The following DOCK4 variants were observed in gnomAD, a reference collection of about 807,000 sequenced individuals.
DOCK4 encodes the protein dedicator of cytokinesis 4.
A neutral mutation model predicts 268.1 loss-of-function variants in DOCK4; 97 were observed. The observed-to-expected ratio is 0.36, with a 90% CI of 0.31 to 0.43. The LOEUF (loss-of-function observed/expected upper bound fraction) is 0.43. Among genes scored for constraint, DOCK4 ranks in the 20% least tolerant of loss-of-function variants. The pLI is 1.00. For synonymous variants in DOCK4, 954 were observed against 887.2 expected, an observed-to-expected ratio of 1.08 and a Z score of -1.34; for missense variants, 2,145 against 2,455.7, an observed-to-expected ratio of 0.87 and a Z score of 2.67.
intron 1 of DOCK4, among the ~76,000 whole-genome samples, chr7:112,077,991 A>G (rs187424289): frequency 3.0e-3 from 453 of 152,228 alleles, no homozygotes; most frequent in Non-Finnish European, 5.0e-3. Flanking sequence ...AAGTGAGTAA[A>G]ATTCTATTAT....
intron 1 of DOCK4, 105 bp from the exon 2 acceptor site, chr7:112,004,236 G>T: frequency 1.2e-6 from 1 of 833,466 alleles, no homozygotes; most frequent in Non-Finnish European, 1.9e-6. Context: ...AGTATAATTT[G>T]ATAGCTGGAA....
intron 1 of DOCK4, among the ~76,000 whole-genome samples, chr7:112,047,086 C>A (rs1586713454): frequency 6.6e-6 from 1 of 152,156 alleles, no homozygotes; most frequent in Admixed American, 6.5e-5. Context: ...TCACATGGGG[C>A]CTGTTCCCAT....
intron 12 of DOCK4, among the ~76,000 whole-genome samples, chr7:111,934,106 A>C (rs1255687112): frequency 6.6e-6 from 1 of 152,250 alleles, no homozygotes; most frequent in Non-Finnish European, 1.5e-5. Flanking sequence ...CATTCAGTTC[A>C]AGAAACAGCT....
chr7:112,089,217 C>T (rs1809398797), intron 1 of DOCK4, among the ~76,000 whole-genome samples: 1 of 151,954 alleles, frequency 6.6e-6, no homozygotes, highest in Non-Finnish European at 1.5e-5. Context: ...AGGGATGCTC[C>T]AGAAGGTTGA....
At chr7:111,836,276 C>T (rs2134034954) in intron 25 of DOCK4, among the ~76,000 whole-genome samples, 1 of 150,650 alleles carries the variant, frequency 6.6e-6, no homozygotes, top group South Asian at 2.1e-4. Flanking sequence ...GTACCAAAAA[C>T]AGTGTTTCCT....
chr7:111,989,243 G>A (rs1799307173), intron 5 of DOCK4, 80 bp from the exon 6 acceptor site: 1 of 1,558,736 alleles, frequency 6.4e-7, no homozygotes, highest in South Asian at 1.2e-5. Flanking sequence ...AAAGGGAAGA[G>A]GCCCATTCTG....
intron 30 of DOCK4, among the ~76,000 whole-genome samples, chr7:111,792,124 A>C (rs183967948): frequency 2.4e-4 from 37 of 152,338 alleles, no homozygotes; most frequent in African/African-American, 7.2e-4. Context: ...TGTTAAGTCT[A>C]TTACGCTAAT....
chr7:111,741,987 C>A lies in DOCK4; in HGVS notation c.4797+26G>T, dbSNP rs960021803. On this transcript the variant is annotated intron_variant, in intron 45 of 52. Transcript: ENST00000428084. Reference sequence around the variant, plus strand: ...GCAAACGGCAGTGATCAGGCTGCCCCGCCATGGACACCTAAGTATACATAC... The same window carrying A: ...GCAAACGGCAGTGATCAGGCTGCCCAGCCATGGACACCTAAGTATACATAC... The A allele has an allele frequency of 3.3e-6, 5 of 1,535,436 alleles. No individual in the cohort carries two copies. The African/African-American group carries it at 5.6e-5, about 17-fold the overall frequency.
rs767707936 is a variant in DOCK4, at chr7:111,741,065, C to T, written c.5040+29G>A. 5.0e-6 allele frequency: 8 copies of T among 1,612,140 alleles called. No individual in the cohort carries two copies. In the South Asian group the frequency reaches 5.5e-5, roughly 11 times the overall value. On this transcript the variant is annotated intron_variant, in intron 47 of 52. Coordinates refer to ENST00000428084, the MANE Select transcript of DOCK4 (RefSeq NM_001363540.2). ...ATGATTGAGACAGAAAAGGAATAAA[C>T]ACAACCAGACAAAAAGCTAATTAAG...
Position 111,728,027 on chromosome 7 carries a change from T to TATCA in DOCK4, c.*243_*246dup. ...CATAAAAAGGTACAAAAGGAGTCTTTATCACTATTTACCACTTCCAAATGA... is the reference window on the plus strand; with the variant it reads ...CATAAAAAGGTACAAAAGGAGTCTTTATCAATCACTATTTACCACTTCCAAATGA... On this transcript the variant is annotated 3_prime_UTR_variant, in exon 53 of 53. Transcript: ENST00000428084. 1 of 390,078 alleles carries TATCA rather than the reference T, an allele frequency of 2.6e-6. No individual in the cohort carries two copies. The highest frequency in any genetic ancestry group is 3.7e-5 in the East Asian group (1 of 27,000). The allele number at this position is 390,078 out of a possible 1,614,324, so 24.2% of individuals were successfully genotyped here.
intron 35 of DOCK4, among the ~76,000 whole-genome samples, chr7:111,778,809 CA>C (rs1798612931): frequency 6.6e-6 from 1 of 152,154 alleles, no homozygotes; most frequent in Non-Finnish European, 1.5e-5. Context: ...GTAATCCCAG[CA>C]CTTTGGGAGG....
At chr7:111,939,593 C>T (rs890141881) in intron 11 of DOCK4, among the ~76,000 whole-genome samples, 2 of 151,570 alleles carry the variant, frequency 1.3e-5, no homozygotes, top group Admixed American at 1.3e-4. Flanking sequence ...TATTTATATC[C>T]TACTGCTCAA....
At chr7:112,096,707 G>A (rs535041329) in intron 1 of DOCK4, among the ~76,000 whole-genome samples, 73 of 152,242 alleles carry the variant, frequency 4.8e-4, no homozygotes, top group African/African-American at 1.6e-3. Flanking sequence ...ATGTAAATGA[G>A]GCATTCTAGA....
intron 1 of DOCK4, among the ~76,000 whole-genome samples, chr7:112,078,986 G>A (rs1808343259): frequency 6.6e-6 from 1 of 152,078 alleles, no homozygotes; most frequent in Admixed American, 6.6e-5. Context: ...AATTAGCCGG[G>A]TATGGTGGCA....
chr7:112,006,354 T>G (rs1348272591), intron 1 of DOCK4, among the ~76,000 whole-genome samples: 1 of 152,220 alleles, frequency 6.6e-6, no homozygotes, highest in Non-Finnish European at 1.5e-5. Flanking sequence ...CGGGTTCTTT[T>G]ATTATTGAGA....
At chr7:111,863,214 G>T in intron 23 of DOCK4, 158 bp downstream of exon 23, 1 of 702,746 alleles carries the variant, frequency 1.4e-6, no homozygotes, top group Non-Finnish European at 2.4e-6. Flanking sequence ...CCATACTTTT[G>T]TATTTGACTA....
chr7:111,997,644 T>A lies in DOCK4; in HGVS notation c.218+804A>T, dbSNP rs1338148282. ...TAAGAATTCAAATAATAAATTGCTATTTATCACTATTTGAGAAAAAATATA... is the reference window on the plus strand; with the variant it reads ...TAAGAATTCAAATAATAAATTGCTAATTATCACTATTTGAGAAAAAATATA... On this transcript the variant is annotated intron_variant, in intron 4 of 52. Transcript: ENST00000428084. Among the ~76,000 whole-genome samples, 5 of 152,214 alleles carry A rather than the reference T, an allele frequency of 3.3e-5. 1 individual carries two copies. The highest frequency in any genetic ancestry group is 1.2e-4 in the African/African-American group (5 of 41,466).
intron 1 of DOCK4, among the ~76,000 whole-genome samples, chr7:112,014,874 C>T (rs528638853): frequency 8.1e-4 from 123 of 151,934 alleles, no homozygotes; most frequent in Non-Finnish European, 1.5e-3. Context: ...CACTGCACTC[C>T]GGCCTGAGAA....
chr7:112,114,646 T>A lies in DOCK4; in HGVS notation c.37+91456A>T, dbSNP rs542153054. 2.6e-5 allele frequency among the ~76,000 whole-genome samples: 4 copies of A among 152,370 alleles called. No individual in the cohort carries two copies. In the East Asian group the frequency reaches 7.7e-4, roughly 29 times the overall value. On this transcript the variant is annotated intron_variant, in intron 1 of 52. Coordinates refer to ENST00000428084, the MANE Select transcript of DOCK4 (RefSeq NM_001363540.2). ...GCACAAGTAATTTATGTGTGCTTCC[T>A]ATCTTGTCCCACAGAATATTAAAAA...
Sources: gnomAD v4.1 joint callset for allele counts (sites outside exome capture counted in the v4.1 genomes callset) on GRCh38, gnomAD v4.1.1 for gene constraint, MANE v1.5 for transcripts, NCBI Gene and HGNC (gene_info 2026-07-23, HGNC 2026-07-21) for gene names.